Variants in NUP205 observed in about 807,000 individuals in gnomAD.
The protein encoded by NUP205 is nucleoporin 205.
In NUP205, 76 loss-of-function variants were observed where a neutral mutation model predicts 253.8. The ratio of observed to expected loss-of-function variants is 0.30; its 90% CI spans 0.25 to 0.36. NUP205 has a LOEUF of 0.36. Among genes scored for constraint, NUP205 ranks in the 10% least tolerant of loss-of-function variants. The probability of loss-of-function intolerance (pLI) is 1.00; values close to 1 mark genes in which losing one functional copy is unlikely to be tolerated. For missense variants in NUP205, 2,162 were observed against 2,425.5 expected (o/e 0.89, Z 2.28); for synonymous variants, 832 against 850.1 (o/e 0.98, Z 0.37).
intron 1 of NUP205, among the ~76,000 whole-genome samples, chr7:135,567,418 T>C (rs575020801): frequency 3.3e-4 from 39 of 119,470 alleles, no homozygotes; most frequent in Admixed American, 8.0e-4. Context: ...TGAAACCCTG[T>C]CTATACCAAA....
chr7:135,624,439 C>T lies in NUP205; in HGVS notation c.4480-725C>T, dbSNP rs553200425. ...TCACCCAGGCTGGAGTGCAGTGGCA[C>T]GATCTCGGCTCACTGCAACCTCTGC... is the stretch of plus-strand genomic sequence containing the variant. On this transcript the variant is annotated intron_variant, in intron 31 of 42. Coordinates refer to ENST00000285968, the MANE Select transcript of NUP205 (RefSeq NM_015135.3). Among the ~76,000 whole-genome samples the T allele has an allele frequency of 5.4e-5, 8 of 148,616 alleles. No individual in the cohort carries two copies. In the East Asian group the frequency reaches 6.0e-4, roughly 11 times the overall value.
chr7:135,576,303 C>G lies in NUP205; in HGVS notation c.377C>G (p.Thr126Ser). Residue 126 changes from threonine (T) to serine (S), a missense_variant, in exon 4 of 43, where the codon ACC becomes AGC. By Grantham distance (58) the Thr-to-Ser change is moderately conservative. Around this residue, in one of 5 missense-constraint regions of NUP205, gnomAD observed 11 missense variants for 33.5 expected, o/e 0.33. Coordinates refer to ENST00000285968, the MANE Select transcript of NUP205 (RefSeq NM_015135.3). Reference sequence around the variant, plus strand: ...CAACAGCCACATTTTCCTGGCCTTACCAGAGGATTAGTAGCTGTTCTTCTG... The same window carrying G: ...CAACAGCCACATTTTCCTGGCCTTAGCAGAGGATTAGTAGCTGTTCTTCTG... ...EHQQPHFPGL[T>S]RGLVAVLLYW... 1 of 1,613,598 alleles carries G rather than the reference C, an allele frequency of 6.2e-7. No individual in the cohort carries two copies. The highest frequency in any genetic ancestry group is 1.1e-5 in the South Asian group (1 of 91,046).
intron 7 of NUP205, among the ~76,000 whole-genome samples, chr7:135,583,717 C>T (rs1806373290): frequency 6.6e-6 from 1 of 152,016 alleles, no homozygotes. Context: ...TGAGATTGTA[C>T]CACTGCACTC....
At chr7:135,631,983 A>G (rs1290877035) in intron 35 of NUP205, among the ~76,000 whole-genome samples, 7 of 152,064 alleles carry the variant, frequency 4.6e-5, no homozygotes, top group Admixed American at 2.0e-4. Context: ...CTGACCTTGT[A>G]ATCTGCCCGC....
intron 11 of NUP205, among the ~76,000 whole-genome samples, 159 bp from the exon 12 acceptor site, chr7:135,592,828 A>C (rs1171035351): frequency 6.6e-6 from 1 of 152,210 alleles, no homozygotes; most frequent in Non-Finnish European, 1.5e-5. Context: ...TAGAGGTTGC[A>C]GTGAGCTGAG....
intron 2 of NUP205, among the ~76,000 whole-genome samples, chr7:135,572,854 C>G (rs1408147824): frequency 2.0e-5 from 3 of 151,856 alleles, no homozygotes; most frequent in African/African-American, 7.3e-5. Context: ...CACGCCCAGT[C>G]TGGCACTTTT....
chr7:135,607,028 A>C, intron 21 of NUP205, 113 bp downstream of exon 21: 1 of 1,237,844 alleles, frequency 8.1e-7, no homozygotes, highest in Admixed American at 2.2e-5. Flanking sequence ...AGTGTAAGAA[A>C]GGTAATGTGA....
rs1283503435 is a variant in NUP205, at chr7:135,604,198, T to G, written c.2703-142T>G. 1.1e-5 allele frequency: 7 copies of G among 613,474 alleles called. 1 individual carries two copies. The Admixed American group carries it at 2.4e-4, about 21-fold the overall frequency. 38.0% of individuals were successfully genotyped at this position (613,474 alleles called of 1,614,324 possible). A position where few individuals can be genotyped will look rare whatever the true frequency, so the allele number is the denominator to read the frequency against. Reference sequence around the variant, plus strand: ...TTCAACCCCTAACAGACTGCATCTATTTAGAAGGGGACAGCTTTTTCTTAT... The same window carrying G: ...TTCAACCCCTAACAGACTGCATCTAGTTAGAAGGGGACAGCTTTTTCTTAT... On this transcript the variant is annotated intron_variant, in intron 18 of 42. Transcript: ENST00000285968.
chr7:135,598,583 A>T (rs767071120), intron 15 of NUP205, among the ~76,000 whole-genome samples: 2 of 152,228 alleles, frequency 1.3e-5, no homozygotes, highest in Non-Finnish European at 2.9e-5. Context: ...GTTTCTATTG[A>T]TTAGTGGCAC....
chr7:135,584,538 C>G (rs1806403786), intron 7 of NUP205, among the ~76,000 whole-genome samples: 1 of 152,180 alleles, frequency 6.6e-6, no homozygotes. Flanking sequence ...TGATAGCTCC[C>G]TGACTACATC....
In NUP205 at chr7:135,648,486, G is replaced by T. The variant is rs141606746; in HGVS notation, c.5969G>T (p.Arg1990Leu). Residue 1990 changes from arginine (R) to leucine (L), a missense_variant, in exon 43 of 43, where the codon CGA becomes CTA. Transcript: ENST00000285968. Reference sequence around the variant, plus strand: ...ATTGAAGGATTATATTCAAAAGTTCGATCTCGATATAGTTTCATACAGGCT... The same window carrying T: ...ATTGAAGGATTATATTCAAAAGTTCTATCTCGATATAGTTTCATACAGGCT... ...LDIEGLYSKV[R>L]SRYSFIQALV... is the part of the protein sequence containing the mutation. 5.0e-6 allele frequency: 8 copies of T among 1,607,440 alleles called. No homozygotes were observed. In the East Asian group the frequency reaches 1.8e-4, roughly 36 times the overall value.
At chr7:135,643,418 G>T in intron 39 of NUP205, 60 bp downstream of exon 39, 4 of 1,394,838 alleles carry the variant, frequency 2.9e-6, no homozygotes, top group Non-Finnish European at 9.9e-7. Flanking sequence ...CTAGGCCAGG[G>T]TACTCAGACT....
intron 19 of NUP205, among the ~76,000 whole-genome samples, chr7:135,605,458 C>T (rs78264716): frequency 0.039 from 5,974 of 152,288 alleles, 227 homozygotes; most frequent in African/African-American, 0.098. Context: ...CTAGATACCA[C>T]TATCTGTCAG....
At chr7:135,595,833 G>A (rs1005508385) in intron 13 of NUP205, among the ~76,000 whole-genome samples, 6 of 152,066 alleles carry the variant, frequency 3.9e-5, no homozygotes, top group South Asian at 2.1e-4. Context: ...CTTTATAGAC[G>A]TATCTCTAGG....
intron 35 of NUP205, among the ~76,000 whole-genome samples, chr7:135,632,618 G>C (rs1367411662): frequency 6.6e-6 from 1 of 151,942 alleles, no homozygotes; most frequent in Non-Finnish European, 1.5e-5. Context: ...TGAGTTACTT[G>C]GAGCCTGTGC....
At chr7:135,558,010 G>T in intron 1 of NUP205, 38 bp downstream of exon 1, 10 of 1,571,904 alleles carry the variant, frequency 6.4e-6, no homozygotes, top group South Asian at 1.1e-5. Flanking sequence ...TGAGCTGAGC[G>T]ATAACCAGGT....
chr7:135,616,020 C>T lies in NUP205; in HGVS notation c.3415C>T (p.Leu1139Phe). 6.2e-7 allele frequency: 1 copy of T among 1,613,656 alleles called. No individual in the cohort carries two copies. Among genetic ancestry groups the T allele is most frequent in the Non-Finnish European group, 8.5e-7 (1 of 1,179,634 alleles). The change falls in exon 24 of 43, where the codon CTC (leucine) becomes TTC (phenylalanine). Residue 1139 changes from leucine to phenylalanine, a missense_variant. Leu to Phe is a conservative substitution (Grantham distance 22). Coordinates refer to ENST00000285968, the MANE Select transcript of NUP205 (RefSeq NM_015135.3). Reference sequence around the variant, plus strand: ...TCGTCAGCGGTCACATACCCAGAGGCTCCTACACCTCTTACTGGATGACAT... The same window carrying T: ...TCGTCAGCGGTCACATACCCAGAGGTTCCTACACCTCTTACTGGATGACAT... The part of the protein sequence containing the change: ...LNRQRSHTQR[L>F]LHLLLDDMPV...
rs537795704 is a variant in NUP205, at chr7:135,611,699, G to A, written c.3196-2460G>A. ...ACAAAAAAACAAAAATTAGCCAGGC[G>A]TTATGCCATGTGCCTGTTAATCCCA... On this transcript the variant is annotated intron_variant, in intron 22 of 42. Transcript: ENST00000285968. 3.3e-5 allele frequency among the ~76,000 whole-genome samples: 5 copies of A among 152,224 alleles called. No homozygotes were observed. In the South Asian group the frequency reaches 8.3e-4, roughly 25 times the overall value.
intron 38 of NUP205, among the ~76,000 whole-genome samples, chr7:135,642,468 C>T (rs569442525): frequency 4.9e-4 from 74 of 152,020 alleles, no homozygotes; most frequent in Non-Finnish European, 8.5e-4. Flanking sequence ...AGGTGTGAGC[C>T]ACCGTGCCTG....
Sources: allele counts gnomAD v4.1 joint callset (sites outside exome capture counted in the v4.1 genomes callset), GRCh38; gene constraint gnomAD v4.1.1; regional missense constraint gnomAD v4.1.1; transcripts MANE v1.5; gene names NCBI Gene and HGNC (gene_info 2026-07-23, HGNC 2026-07-21).